The following P3H1 variants were observed in gnomAD, a reference collection of about 807,000 sequenced individuals.
P3H1 encodes the protein prolyl 3-hydroxylase 1.
Under a neutral mutation model 84.0 loss-of-function variants are expected in P3H1, and 69 were observed. That is an observed-to-expected ratio of 0.82 (90% CI 0.68 to 1.00). The LOEUF is 1.00. P3H1 is among the 50% of genes least tolerant of loss of function. The pLI is 0.00. For synonymous variants in P3H1, 366 were observed against 388.8 expected, an observed-to-expected ratio of 0.94 and a Z score of 0.69; for missense variants, 878 against 962.8, an observed-to-expected ratio of 0.91 and a Z score of 1.17.
rs151287070 is a variant in P3H1, at chr1:42,762,535, C to G, written c.466-60G>C. The stretch of plus-strand genomic sequence containing the variant: ...ACATCCAATCTCTGAACGTTTGTGT[C>G]CACATGAGCAGTCCACATAAACAGG... On this transcript the variant is annotated intron_variant, in intron 1 of 14. Coordinates refer to ENST00000296388, the MANE Select transcript of P3H1 (RefSeq NM_022356.4). 8,010 of 1,575,262 alleles carry G rather than the reference C, an allele frequency of 5.1e-3. 25 individuals are homozygous for G. The highest frequency in any genetic ancestry group is 6.2e-3 in the Non-Finnish European group (7,081 of 1,145,644).
rs1652329408 is a variant in P3H1 at position 42,755,195 on chromosome 1, ACTT to A, written c.1190_1192del (p.Glu397del). On this transcript the variant is annotated inframe_deletion, in exon 7 of 15. Coordinates refer to ENST00000296388, the MANE Select transcript of P3H1 (RefSeq NM_022356.4). ...TTTCTCTTGCAATCTCTTGGGAATC[ACTT>A]CTTCTGGAGTCCATGAATCCTAAGT... The A allele has an allele frequency of 6.2e-7, 1 of 1,614,046 alleles. No individual in the cohort carries two copies. The highest frequency in any genetic ancestry group is 8.5e-7 in the Non-Finnish European group (1 of 1,180,002).
intron 3 of P3H1, 25 bp from the exon 4 acceptor site, chr1:42,759,008 T>A (rs1375666183): frequency 6.2e-7 from 1 of 1,613,882 alleles, no homozygotes; most frequent in Non-Finnish European, 8.5e-7. Context: ...ACAGAAGGAA[T>A]AACTATGAGG....
At position 42,747,672 on chromosome 1, in the gene P3H1, G is replaced by A. The variant is rs1293282582; in HGVS notation, c.1914+51C>T. ...CCACTGCACTTTGGGAACATCAGCT[G>A]TAGAAAACAGACTTTTTATCTCCCA... is the stretch of plus-strand genomic sequence containing the variant. On this transcript the variant is annotated intron_variant, in intron 13 of 14. Transcript: ENST00000296388. 5.0e-6 allele frequency: 8 copies of A among 1,594,072 alleles called. No homozygotes were observed. In the Admixed American group the frequency reaches 1.0e-4, roughly 20 times the overall value.
At chr1:42,748,152 T>C (rs1447231844) in intron 12 of P3H1, 48 bp downstream of exon 12, 1 of 1,400,916 alleles carries the variant, frequency 7.1e-7, no homozygotes, top group Admixed American at 1.7e-5. Flanking sequence ...CTGTGGGGCC[T>C]CTGAGGAGGG....
intron 1 of P3H1, among the ~76,000 whole-genome samples, chr1:42,766,280 C>A (rs1652991627): frequency 6.6e-6 from 1 of 152,208 alleles, no homozygotes; most frequent in Non-Finnish European, 1.5e-5. Context: ...GGCCTGTGCC[C>A]TAACCCCAGG....
intron 14 of P3H1, 127 bp from the exon 15 acceptor site, chr1:42,746,979 G>C (rs776487235): frequency 1.6e-5 from 26 of 1,614,028 alleles, no homozygotes; most frequent in Admixed American, 3.3e-5. Flanking sequence ...CTTCCCAGCA[G>C]GTCCTACTCT....
In P3H1 at chr1:42,750,306, T is replaced by G; in HGVS notation, c.1600A>C (p.Ser534Arg). The change falls in exon 11 of 15, where the codon AGT becomes CGT. Residue 534 changes from serine to arginine, a missense_variant. Ser to Arg is a moderately radical substitution (Grantham distance 110). Transcript: ENST00000296388. The stretch of plus-strand genomic sequence containing the variant: ...GTCACGTTGTAGTACAGGTGGGCAC[T>G]CTGCAGAGGAACTTTGCCTTCTTGC... ...LGQEGKVPLQ[S>R]AHLYYNVTEK... 6.2e-7 allele frequency: 1 copy of G among 1,614,090 alleles called. No individual in the cohort carries two copies. The highest frequency in any genetic ancestry group is 8.5e-7 in the Non-Finnish European group (1 of 1,180,014).
chr1:42,748,316 C>A lies in P3H1; in HGVS notation c.1722G>T (p.Glu574Asp). The change falls in exon 12 of 15, where the codon GAG (glutamate) becomes GAT (aspartate). Residue 574 changes from glutamate (E) to aspartate (D), a missense_variant and splice_region_variant. Physicochemically the swap from Glu to Asp is conservative, Grantham distance 45. Transcript: ENST00000296388. ...SHLVCRTAIE[E>D]VQAERKDDSH... ...TATCATCCTTCCTCTCTGCCTGGACCTCTGGGGCCAATGTCACACATGTTA... is the reference window on the plus strand; with the variant it reads ...TATCATCCTTCCTCTCTGCCTGGACATCTGGGGCCAATGTCACACATGTTA... 1 of 1,610,698 alleles carries A rather than the reference C, an allele frequency of 6.2e-7. No individual in the cohort carries two copies. Among genetic ancestry groups the A allele is most frequent in the Non-Finnish European group, 8.5e-7 (1 of 1,177,162 alleles).
intron 3 of P3H1, 77 bp downstream of exon 3, chr1:42,759,124 C>A: frequency 3.2e-6 from 5 of 1,572,820 alleles, no homozygotes; most frequent in South Asian, 2.2e-5. Flanking sequence ...GGTGAAGAGT[C>A]CCCATTTATA....
Position 42,766,754 on chromosome 1 carries a change from A to G in P3H1, c.218T>C (p.Leu73Pro), listed in dbSNP as rs1432203483. 3.2e-6 allele frequency: 5 copies of G among 1,587,286 alleles called. No individual in the cohort carries two copies. The East Asian group carries it at 6.9e-5, about 22-fold the overall frequency. Reference protein sequence around the residue: ...RSRAALRALRLRCRTQCAADF... With the variant: ...RSRAALRALRPRCRTQCAADF... Reference sequence around the variant, plus strand: ...GGCGGCACACTGGGTGCGGCAGCGCAGGCGAAGGGCGCGGAGGGCTGCCCG... The same window carrying G: ...GGCGGCACACTGGGTGCGGCAGCGCGGGCGAAGGGCGCGGAGGGCTGCCCG... Residue 73 changes from leucine (L) to proline (P), a missense_variant, in exon 1 of 15, where the codon CTG becomes CCG. Coordinates refer to ENST00000296388, the MANE Select transcript of P3H1 (RefSeq NM_022356.4).
In P3H1 at chr1:42,752,323, T is replaced by C; in HGVS notation, c.1520A>G (p.His507Arg). The part of the protein sequence containing the change: ...GDGYRGQTSP[H>R]TPNEKFYGVT... ...ACCATAGAACTTTTCATTGGGAGTATGTGGGGAGGTCTGACCCCGGTAGCC... is the reference window on the plus strand; with the variant it reads ...ACCATAGAACTTTTCATTGGGAGTACGTGGGGAGGTCTGACCCCGGTAGCC... The change falls in exon 10 of 15, where the codon CAT becomes CGT. Residue 507 changes from histidine to arginine, a missense_variant. Physicochemically the swap from His to Arg is conservative, Grantham distance 29 (BLOSUM62 0). Coordinates refer to ENST00000296388, the MANE Select transcript of P3H1 (RefSeq NM_022356.4). 8 of 1,614,066 alleles carry C rather than the reference T, an allele frequency of 5.0e-6. No individual in the cohort carries two copies. The highest frequency in any genetic ancestry group is 1.1e-5 in the South Asian group (1 of 91,084).
intron 11 of P3H1, chr1:42,748,716 C>G: frequency 6.8e-6 from 2 of 293,906 alleles, no homozygotes; most frequent in South Asian, 3.3e-5. Context: ...GGCTGAGTGG[C>G]AGGAAGTGGG....
intron 5 of P3H1, among the ~76,000 whole-genome samples, chr1:42,755,872 G>T (rs1652379412): frequency 6.6e-6 from 1 of 152,146 alleles, no homozygotes; most frequent in South Asian, 2.1e-4. Flanking sequence ...TTCCTTAAGG[G>T]AAAAAGCCCT....
Position 42,746,658 on chromosome 1 carries a change from C to G in P3H1, c.*39G>C, listed in dbSNP as rs1570452038. On this transcript the variant is annotated 3_prime_UTR_variant, in exon 15 of 15. Transcript: ENST00000296388. ...GCTCAGAGTGCAGAAGAGTTCCTCTCCATGGGTCTAGTCACCCATCCGTCT... is the reference window on the plus strand; with the variant it reads ...GCTCAGAGTGCAGAAGAGTTCCTCTGCATGGGTCTAGTCACCCATCCGTCT... 3.3e-6 allele frequency: 5 copies of G among 1,493,424 alleles called. No homozygotes were observed. Among genetic ancestry groups the G allele is most frequent in the African/African-American group, 1.4e-5 (1 of 72,054 alleles). 92.5% of individuals were successfully genotyped at this position (1,493,424 alleles called of 1,614,324 possible). A position where few individuals can be genotyped will look rare whatever the true frequency, so the allele number is the denominator to read the frequency against.
chr1:42,762,495 A>T lies in P3H1; in HGVS notation c.466-20T>A. The T allele has an allele frequency of 6.2e-7, 1 of 1,613,566 alleles. No homozygotes were observed. The highest frequency in any genetic ancestry group is 8.5e-7 in the Non-Finnish European group (1 of 1,179,512). On this transcript the variant is annotated intron_variant, in intron 1 of 14. Transcript: ENST00000296388. Reference sequence around the variant, plus strand: ...GTTGATCTAAGAATGAAGCATGAGAAGGTGGATAATGCTCACATCCAATCT... The same window carrying T: ...GTTGATCTAAGAATGAAGCATGAGATGGTGGATAATGCTCACATCCAATCT...
At chr1:42,747,059 C>G (rs368573469) in intron 14 of P3H1, 4 of 1,614,132 alleles carry the variant, frequency 2.5e-6, no homozygotes, top group African/African-American at 2.7e-5. Flanking sequence ...CTGTCTTGAC[C>G]TCTTTCCCCA....
intron 10 of P3H1, 57 bp from the exon 11 acceptor site, chr1:42,750,393 G>A: frequency 6.3e-7 from 1 of 1,593,904 alleles, no homozygotes; most frequent in Non-Finnish European, 8.6e-7. Context: ...TTGGCTCTGT[G>A]TCCCTACCCA....
chr1:42,756,662 C>T (rs1188922279), intron 5 of P3H1, among the ~76,000 whole-genome samples: 1 of 152,198 alleles, frequency 6.6e-6, no homozygotes, highest in East Asian at 1.9e-4. Context: ...TCATTTAACC[C>T]TCTCCAATGA....
chr1:42,762,126 A>T, intron 2 of P3H1, 197 bp downstream of exon 2: 1 of 573,992 alleles, frequency 1.7e-6, no homozygotes. Flanking sequence ...TCATTTAAAA[A>T]AAAACAAAAG....
Sources: allele counts gnomAD v4.1 joint callset (sites outside exome capture counted in the v4.1 genomes callset), GRCh38; gene constraint gnomAD v4.1.1; transcripts MANE v1.5; gene names NCBI Gene and HGNC (gene_info 2026-07-23, HGNC 2026-07-21).